Variants in SUB1 observed in about 807,000 individuals in gnomAD.
SUB1 encodes activated RNA polymerase II transcriptional coactivator p15.
Under a neutral mutation model 16.9 loss-of-function variants are expected in SUB1, and 1 was observed. That is an observed-to-expected ratio of 0.06 (90% CI 0.02 to 0.28). SUB1 has a LOEUF of 0.28. Among genes scored for constraint, SUB1 ranks in the 10% least tolerant of loss-of-function variants. The pLI, the probability that SUB1 is intolerant of heterozygous loss-of-function variation, is 1.00. For missense variants in SUB1, 84 were observed against 145.2 expected, an observed-to-expected ratio of 0.58 and a Z score of 2.16; for synonymous variants, 51 against 46.9, an observed-to-expected ratio of 1.09 and a Z score of -0.36.
At chr5:32,595,582 A>G (rs530539121) in intron 3 of SUB1, 2 of 152,380 alleles carry the variant, frequency 1.3e-5, no homozygotes, top group East Asian at 1.9e-4. Context: ...TTGGGATTGT[A>G]TCAAGTCTTG....
chr5:32,595,123 G>A (rs1225059431), intron 3 of SUB1: 1 of 151,488 alleles, frequency 6.6e-6, no homozygotes, highest in Non-Finnish European at 1.5e-5. Flanking sequence ...TTGCTAATAA[G>A]AATTTGTCAG....
At chr5:32,589,946 A>G (rs370153321) in intron 2 of SUB1, among the ~76,000 whole-genome samples, 2 of 152,160 alleles carry the variant, frequency 1.3e-5, no homozygotes, top group African/African-American at 4.8e-5. Context: ...TAAAGTATAA[A>G]TATAGAATAT....
At chr5:32,586,084 G>C (rs1738657139) in intron 1 of SUB1, 2 of 152,400 alleles carry the variant, frequency 1.3e-5, no homozygotes, top group Non-Finnish European at 2.9e-5. Flanking sequence ...AACGGCTGAT[G>C]TGCAGGGGGA....
intron 1 of SUB1, 132 bp downstream of exon 1, chr5:32,585,757 C>T (rs1012945142): frequency 6.6e-6 from 1 of 152,470 alleles, no homozygotes; most frequent in Admixed American, 6.5e-5. Context: ...CCTTACCTCC[C>T]CCTTCCCCTC....
intron 4 of SUB1, 114 bp downstream of exon 4, chr5:32,599,183 A>G (rs1379514975): frequency 9.9e-6 from 7 of 703,554 alleles, no homozygotes; most frequent in Non-Finnish European, 1.5e-5. Context: ...GTCTTACTCA[A>G]TTGATTCTCT....
Position 32,602,972 on chromosome 5 carries a change from G to C in SUB1, c.*1888G>C, listed in dbSNP as rs1739152995. On this transcript the variant is annotated 3_prime_UTR_variant, in exon 5 of 5. Transcript: ENST00000265073. ...GTTCGAGTACAGAACTTTGATTTTT[G>C]GTGTAGATGCAGAGGGAATGATGGG... 1 of 152,018 alleles carries C rather than the reference G, an allele frequency of 6.6e-6. No individual in the cohort carries two copies. Among genetic ancestry groups the C allele is most frequent in the Non-Finnish European group, 1.5e-5 (1 of 67,974 alleles). 9.4% of individuals were successfully genotyped at this position (152,018 alleles called of 1,614,324 possible).
At chr5:32,586,866 A>T in intron 1 of SUB1, among the ~76,000 whole-genome samples, 1 of 152,162 alleles carries the variant, frequency 6.6e-6, no homozygotes, top group East Asian at 1.9e-4. Context: ...TTAAAATCAG[A>T]TTGAGCTTTT....
At position 32,591,762 on chromosome 5, in the gene SUB1, G is replaced by T; in HGVS notation, c.195+77G>T. On this transcript the variant is annotated intron_variant, in intron 3 of 4. Coordinates refer to ENST00000265073, the MANE Select transcript of SUB1 (RefSeq NM_006713.4). ...GTCACCCAGGCTGGAGTGCAGTGGC[G>T]CCATCTCGGCTCACTGCAACCTCAG... 1.1e-5 allele frequency: 15 copies of T among 1,418,708 alleles called. No individual in the cohort carries two copies. The South Asian group carries it at 2.2e-4, about 21-fold the overall frequency. 87.9% of individuals were successfully genotyped at this position (1,418,708 alleles called of 1,614,324 possible).
chr5:32,587,498 G>T (rs764469365), intron 1 of SUB1, among the ~76,000 whole-genome samples: 20 of 151,970 alleles, frequency 1.3e-4, no homozygotes, highest in Non-Finnish European at 2.6e-4. Flanking sequence ...GGAAGGTTTT[G>T]CACCTCCCAT....
In SUB1 at chr5:32,602,141, T is replaced by TA. The variant is rs1264760156; in HGVS notation, c.*1058dup. ...ACCAATGGCATTCTAGACTTGATGA[T>TA]ACTAAGTTTTAGCAGACACTAGTAA... On this transcript the variant is annotated 3_prime_UTR_variant, in exon 5 of 5. Transcript: ENST00000265073. 2.3e-6 allele frequency: 1 copy of TA among 441,168 alleles called. No homozygotes were observed. Among genetic ancestry groups the TA allele is most frequent in the Non-Finnish European group, 4.5e-6 (1 of 221,348 alleles). The allele number at this position is 441,168 out of a possible 1,614,324, so 27.3% of individuals were successfully genotyped here.
At chr5:32,596,469 T>C (rs377180352) in intron 3 of SUB1, 11 of 152,346 alleles carry the variant, frequency 7.2e-5, no homozygotes, top group African/African-American at 2.6e-4. Flanking sequence ...TTGCCTACCA[T>C]GGCCACAAAA....
In SUB1 at chr5:32,602,424, A is replaced by G. The variant is rs531860025; in HGVS notation, c.*1340A>G. 1 of 239,846 alleles carries G rather than the reference A, an allele frequency of 4.2e-6. No individual in the cohort carries two copies. The highest frequency in any genetic ancestry group is 5.2e-5 in the Admixed American group (1 of 19,216). 14.9% of individuals were successfully genotyped at this position (239,846 alleles called of 1,614,324 possible). A position where few individuals can be genotyped will look rare whatever the true frequency, so the allele number is the denominator to read the frequency against. On this transcript the variant is annotated 3_prime_UTR_variant, in exon 5 of 5. Transcript: ENST00000265073. The stretch of plus-strand genomic sequence containing the variant: ...GAGTAGAAAAAGGAAAGTTTTAAAG[A>G]CATATAAAAGATTCTTGTTGACAAA...
chr5:32,591,225 G>C (rs1211009734), intron 2 of SUB1: 1 of 173,016 alleles, frequency 5.8e-6, no homozygotes, highest in Admixed American at 6.3e-5. Flanking sequence ...GTGGTTTCCA[G>C]GTTTATTCAG....
At chr5:32,589,386 C>A (rs1738760370) in intron 2 of SUB1, among the ~76,000 whole-genome samples, 1 of 152,182 alleles carries the variant, frequency 6.6e-6, no homozygotes, top group African/African-American at 2.4e-5. Context: ...CATGAGTGGC[C>A]ATAAAATGTT....
At chr5:32,588,657 A>C (rs1470826963) in intron 2 of SUB1, 73 bp downstream of exon 2, 4 of 1,451,918 alleles carry the variant, frequency 2.8e-6, no homozygotes, top group Non-Finnish European at 3.8e-6. Flanking sequence ...GAAGGATAGT[A>C]AAAGGTGTAT....
chr5:32,598,649 T>A (rs112246680), intron 3 of SUB1: 5 of 197,562 alleles, frequency 2.5e-5, no homozygotes, highest in African/African-American at 9.3e-5. Flanking sequence ...ACCTCATATC[T>A]AGGTATGTTT....
Position 32,598,942 on chromosome 5 carries a change from ATGTT to A in SUB1, c.196-13_196-10del, listed in dbSNP as rs554833987. 732 of 1,586,980 alleles carry A rather than the reference ATGTT, an allele frequency of 4.6e-4. 5 individuals are homozygous for A. In the African/African-American group the frequency reaches 9.3e-3, roughly 20 times the overall value. On this transcript the variant is annotated splice_polypyrimidine_tract_variant and intron_variant, in intron 3 of 4. Transcript: ENST00000265073. ...ACTCTTGAAAGGAGCACCTCTTTTT[ATGTT>A]TGTTTCTTTTGCAGATTGGGAAAAT...
At chr5:32,590,762 ATTTT>A (rs70961652) in intron 2 of SUB1, among the ~76,000 whole-genome samples, 5 of 33,960 alleles carry the variant, frequency 1.5e-4, no homozygotes, top group African/African-American at 3.2e-4. Flanking sequence ...CGCCTGGCTA[ATTTT>A]TTTTTTTTTT....
At chr5:32,591,924 T>C (rs371690586) in intron 3 of SUB1, among the ~76,000 whole-genome samples, 204 of 152,252 alleles carry the variant, frequency 1.3e-3, no homozygotes, top group African/African-American at 4.6e-3. Flanking sequence ...GGTCTTGAAC[T>C]CCTGACCTTG....
Sources: allele counts gnomAD v4.1 joint callset (sites outside exome capture counted in the v4.1 genomes callset), GRCh38; gene constraint gnomAD v4.1.1; transcripts MANE v1.5; gene names NCBI Gene and HGNC (gene_info 2026-07-23, HGNC 2026-07-21).